Variants in FLRT2 observed in about 807,000 individuals in gnomAD.
FLRT2 encodes the protein leucine-rich repeat transmembrane protein FLRT2.
FLRT2 carries 15 observed loss-of-function variants against 40.0 expected under a neutral mutation model. That is an observed-to-expected ratio of 0.38 (90% CI 0.25 to 0.58). The LOEUF (loss-of-function observed/expected upper bound fraction) is 0.58. FLRT2 is among the 20% of genes least tolerant of loss of function. The probability of loss-of-function intolerance (pLI) is 0.71; values close to 1 mark genes in which losing one functional copy is unlikely to be tolerated. For synonymous variants in FLRT2, 380 were observed against 336.8 expected (o/e 1.13, Z -1.41); for missense variants, 726 against 840.0 (o/e 0.86, Z 1.68).
At chr14:85,559,356 G>A (rs964477888) in intron 1 of FLRT2, 1 of 152,168 alleles carries the variant, frequency 6.6e-6, no homozygotes, top group Non-Finnish European at 1.5e-5. Flanking sequence ...ACTTTGAGCT[G>A]GTCATTGGTG....
rs186808074 is a variant in FLRT2, at chr14:85,595,332, G to T, written c.-376-25807G>T. 2.0e-5 allele frequency among the ~76,000 whole-genome samples: 3 copies of T among 151,934 alleles called. No homozygotes were observed. In the East Asian group the frequency reaches 5.8e-4, roughly 29 times the overall value. ...CTAGGATCAAGTGCTGATGTTTACA[G>T]TCTGTGTAAATTTAAGCAAATGAAT... is the stretch of plus-strand genomic sequence containing the variant. On this transcript the variant is annotated intron_variant, in intron 1 of 1. Transcript: ENST00000330753.
intron 1 of FLRT2, among the ~76,000 whole-genome samples, chr14:85,568,213 C>T (rs778606991): frequency 1.3e-5 from 2 of 148,584 alleles, no homozygotes; most frequent in Non-Finnish European, 3.0e-5. Flanking sequence ...TGCTGATCTG[C>T]GGGGGGATGA....
intron 1 of FLRT2, among the ~76,000 whole-genome samples, chr14:85,531,922 G>A (rs562222652): frequency 2.2e-4 from 33 of 152,356 alleles, no homozygotes; most frequent in Non-Finnish European, 4.8e-4. Flanking sequence ...GCGCGGGCGT[G>A]CGTCTGGGTG....
At position 85,539,806 on chromosome 14, in the gene FLRT2, T is replaced by C. The variant is rs542892395; in HGVS notation, c.-377+9272T>C. Among the ~76,000 whole-genome samples the C allele has an allele frequency of 9.3e-4, 141 of 152,240 alleles. 1 individual carries two copies. Among genetic ancestry groups the C allele is most frequent in the Non-Finnish European group, 1.6e-3 (108 of 67,986 alleles). ...GTGCTATGATAGACTAGGTTTTATA[T>C]AAATAAAATGGTAACCAAGACAGAG... On this transcript the variant is annotated intron_variant, in intron 1 of 1. Transcript: ENST00000330753.
intron 1 of FLRT2, among the ~76,000 whole-genome samples, chr14:85,586,260 G>C (rs1457643189): frequency 1.3e-5 from 2 of 151,834 alleles, no homozygotes; most frequent in Non-Finnish European, 2.9e-5. Context: ...AGAGAGGTTA[G>C]TGAAGTAACT....
rs1473574482 is a variant in FLRT2 at position 85,575,811 on chromosome 14, C to T, written c.-377+45277C>T. 2.0e-5 allele frequency among the ~76,000 whole-genome samples: 3 copies of T among 152,290 alleles called. No homozygotes were observed. The East Asian group carries it at 5.8e-4, about 29-fold the overall frequency. ...TGAAGCCCTAGTCTACAGCTAAATG[C>T]CTTCACGTCTGTGTGTCAAATATTC... is the stretch of plus-strand genomic sequence containing the variant. On this transcript the variant is annotated intron_variant, in intron 1 of 1. Transcript: ENST00000330753.
chr14:85,533,666 A>G (rs1888444776), intron 1 of FLRT2, among the ~76,000 whole-genome samples: 1 of 152,080 alleles, frequency 6.6e-6, no homozygotes, highest in Non-Finnish European at 1.5e-5. Flanking sequence ...GCCAAGAGAA[A>G]GTGGCATGCC....
At chr14:85,553,367 A>G (rs887861840) in intron 1 of FLRT2, among the ~76,000 whole-genome samples, 3 of 152,118 alleles carry the variant, frequency 2.0e-5, no homozygotes, top group South Asian at 2.1e-4. Context: ...TGCTGCTGGG[A>G]CCATCTAAGG....
At chr14:85,608,536 T>C (rs537570463) in intron 1 of FLRT2, among the ~76,000 whole-genome samples, 1 of 152,146 alleles carries the variant, frequency 6.6e-6, no homozygotes, top group Non-Finnish European at 1.5e-5. Flanking sequence ...GCCCAGCTGA[T>C]AAATGATTAT....
chr14:85,564,533 G>A (rs192661448), intron 1 of FLRT2, among the ~76,000 whole-genome samples: 122 of 152,234 alleles, frequency 8.0e-4, no homozygotes, highest in Non-Finnish European at 1.5e-3. Flanking sequence ...AAATGTATTC[G>A]TGGAAGATTT....
At chr14:85,545,575 C>T (rs894694638) in intron 1 of FLRT2, among the ~76,000 whole-genome samples, 4 of 152,156 alleles carry the variant, frequency 2.6e-5, no homozygotes, top group African/African-American at 4.8e-5. Flanking sequence ...TTTGTCTTTT[C>T]GAGTAGACAA....
At chr14:85,556,927 T>A (rs1393697639) in intron 1 of FLRT2, among the ~76,000 whole-genome samples, 1 of 152,124 alleles carries the variant, frequency 6.6e-6, no homozygotes, top group South Asian at 2.1e-4. Flanking sequence ...CTCAGAATCA[T>A]GGCGGGAGGC....
intron 1 of FLRT2, among the ~76,000 whole-genome samples, chr14:85,610,234 A>G (rs980147522): frequency 1.3e-5 from 2 of 152,160 alleles, no homozygotes; most frequent in Non-Finnish European, 2.9e-5. Flanking sequence ...TGGAAAAAAA[A>G]AAGTGTGGGG....
At position 85,638,559 on chromosome 14, in the gene FLRT2, T is replaced by G. The variant is rs561131097; in HGVS notation, c.*15062T>G. On this transcript the variant is annotated 3_prime_UTR_variant, in exon 2 of 2. Transcript: ENST00000330753. Reference sequence around the variant, plus strand: ...TAAGCCTCTTGTATGCTACTCTGTCTCAGAGTCCATTTCCTTGGGAACCCA... The same window carrying G: ...TAAGCCTCTTGTATGCTACTCTGTCGCAGAGTCCATTTCCTTGGGAACCCA... 4 of 152,336 alleles carry G rather than the reference T, an allele frequency of 2.6e-5. No individual in the cohort carries two copies. In the East Asian group the frequency reaches 7.7e-4, roughly 29 times the overall value. 9.4% of individuals were successfully genotyped at this position (152,336 alleles called of 1,614,324 possible).
chr14:85,652,215 C>T lies in FLRT2; in HGVS notation c.*28718C>T, dbSNP rs940377514. 1 of 152,022 alleles carries T rather than the reference C, an allele frequency of 6.6e-6. No individual in the cohort carries two copies. Among genetic ancestry groups the T allele is most frequent in the African/African-American group, 2.4e-5 (1 of 41,402 alleles). 9.4% of individuals were successfully genotyped at this position (152,022 alleles called of 1,614,324 possible). ...ATTCTGTTTTTAATGACCTTATTAGCTCAGATGATGTTTTAATGATTTGAG... is the reference window on the plus strand; with the variant it reads ...ATTCTGTTTTTAATGACCTTATTAGTTCAGATGATGTTTTAATGATTTGAG... On this transcript the variant is annotated 3_prime_UTR_variant, in exon 2 of 2. Transcript: ENST00000330753.
intron 1 of FLRT2, among the ~76,000 whole-genome samples, chr14:85,601,648 A>G (rs1321431377): frequency 1.3e-5 from 2 of 152,116 alleles, no homozygotes; most frequent in Non-Finnish European, 2.9e-5. Context: ...AAGTCCTGCT[A>G]CTCCCTGAGC....
chr14:85,569,380 G>A (rs375221642), intron 1 of FLRT2, among the ~76,000 whole-genome samples: 30 of 152,304 alleles, frequency 2.0e-4, no homozygotes, highest in African/African-American at 5.5e-4. Flanking sequence ...CCAGGAAACC[G>A]TACCAGGAGC....
chr14:85,607,133 A>T (rs1254324361), intron 1 of FLRT2, among the ~76,000 whole-genome samples: 3 of 152,212 alleles, frequency 2.0e-5, no homozygotes, highest in African/African-American at 4.8e-5. Flanking sequence ...TTGGGAATGC[A>T]TGATCTATTG....
chr14:85,561,894 G>T (rs1890347533), intron 1 of FLRT2, among the ~76,000 whole-genome samples: 1 of 152,110 alleles, frequency 6.6e-6, no homozygotes, highest in Admixed American at 6.6e-5. Context: ...TTTTGTTGTT[G>T]TTGTGGCTGT....
Sources: allele counts gnomAD v4.1 joint callset (sites outside exome capture counted in the v4.1 genomes callset), GRCh38; gene constraint gnomAD v4.1.1; transcripts MANE v1.5; gene names NCBI Gene and HGNC (gene_info 2026-07-23, HGNC 2026-07-21).